Variants in RTN4R observed in about 807,000 individuals in gnomAD.
RTN4R encodes the protein reticulon 4 receptor.
In RTN4R, 4 loss-of-function variants were observed where a neutral mutation model predicts 27.7. The ratio of observed to expected loss-of-function variants is 0.14; its 90% CI spans 0.07 to 0.33. RTN4R has a LOEUF of 0.33. RTN4R is among the 10% of genes least tolerant of loss of function. The pLI, the probability that RTN4R is intolerant of heterozygous loss-of-function variation, is 1.00. For synonymous variants in RTN4R, 290 were observed against 305.6 expected, an observed-to-expected ratio of 0.95 and a Z score of 0.53; for missense variants, 554 against 671.5, an observed-to-expected ratio of 0.83 and a Z score of 1.93.
At chr22:20,253,981 A>C (rs1738575185) in intron 1 of RTN4R, among the ~76,000 whole-genome samples, 1 of 152,144 alleles carries the variant, frequency 6.6e-6, no homozygotes, top group Non-Finnish European at 1.5e-5. Flanking sequence ...CCAGAAGAGA[A>C]AACAAAAAAA....
chr22:20,252,379 G>A (rs1179457361), intron 1 of RTN4R, among the ~76,000 whole-genome samples: 2 of 152,226 alleles, frequency 1.3e-5, no homozygotes, highest in African/African-American at 4.8e-5. Flanking sequence ...AGTAAGAAAT[G>A]AGGGCCCCTC....
chr22:20,257,377 C>T (rs541152425), intron 1 of RTN4R, among the ~76,000 whole-genome samples: 16 of 152,302 alleles, frequency 1.1e-4, no homozygotes, highest in Middle Eastern at 3.4e-3. Flanking sequence ...GAGGTGATTA[C>T]GGTTAGATAA....
At chr22:20,262,266 T>C (rs1192655771) in intron 1 of RTN4R, among the ~76,000 whole-genome samples, 1 of 151,928 alleles carries the variant, frequency 6.6e-6, no homozygotes, top group African/African-American at 2.4e-5. Context: ...TGTGGGGAGC[T>C]GTGTGTGCAG....
At chr22:20,262,968 GC>G (rs1040812357) in intron 1 of RTN4R, among the ~76,000 whole-genome samples, 20 of 152,330 alleles carry the variant, frequency 1.3e-4, no homozygotes, top group African/African-American at 3.8e-4. Flanking sequence ...GAGGTGAGGG[GC>G]CTGGAGCCCA....
At chr22:20,256,091 C>T (rs138567293) in intron 1 of RTN4R, among the ~76,000 whole-genome samples, 133 of 152,330 alleles carry the variant, frequency 8.7e-4, no homozygotes, top group African/African-American at 3.0e-3. Context: ...TCTTGGAAAA[C>T]GAGGTCAGTG....
chr22:20,256,256 CCCT>C (rs1272377468), intron 1 of RTN4R, among the ~76,000 whole-genome samples: 2 of 152,206 alleles, frequency 1.3e-5, no homozygotes, highest in African/African-American at 4.8e-5. Flanking sequence ...ACAGAGGGGT[CCCT>C]CAAGTCCAAG....
chr22:20,257,197 G>A (rs554794628), intron 1 of RTN4R, among the ~76,000 whole-genome samples: 1 of 152,240 alleles, frequency 6.6e-6, no homozygotes, highest in Admixed American at 6.5e-5. Context: ...GGCAACGGAT[G>A]TTCCTGGGTT....
chr22:20,268,238 C>T lies in RTN4R; in HGVS notation c.-146G>A, dbSNP rs1192099209. 3 of 92,606 alleles carry T rather than the reference C, an allele frequency of 3.2e-5. No individual in the cohort carries two copies. Among genetic ancestry groups the T allele is most frequent in the Non-Finnish European group, 4.8e-5 (3 of 62,208 alleles). 5.7% of individuals were successfully genotyped at this position (92,606 alleles called of 1,614,324 possible). A position where few individuals can be genotyped will look rare whatever the true frequency, so the allele number is the denominator to read the frequency against. On this transcript the variant is annotated 5_prime_UTR_variant, in exon 1 of 2. Transcript: ENST00000043402. ...GGACGAGGCTCGGCGCGCTCCGCTC[C>T]GCCCGGCTCTGGCTGGGCTCGGGCC... is the stretch of plus-strand genomic sequence containing the variant.
chr22:20,243,615 C>A, intron 1 of RTN4R: 2 of 433,674 alleles, frequency 4.6e-6, no homozygotes, highest in Non-Finnish European at 9.6e-6. Flanking sequence ...GGGTGGAGGG[C>A]AAGTGTGTCC....
chr22:20,246,005 A>G (rs1378197005), intron 1 of RTN4R, among the ~76,000 whole-genome samples: 1 of 152,158 alleles, frequency 6.6e-6, no homozygotes, highest in African/African-American at 2.4e-5. Flanking sequence ...CAAGCTGCAC[A>G]CAAACTGGTA....
chr22:20,266,002 G>C (rs1021336960), intron 1 of RTN4R, among the ~76,000 whole-genome samples: 1 of 152,236 alleles, frequency 6.6e-6, no homozygotes, highest in Non-Finnish European at 1.5e-5. Flanking sequence ...TCCAGGTCAC[G>C]GTTCTGCCAC....
intron 1 of RTN4R, among the ~76,000 whole-genome samples, chr22:20,252,059 TCATCAC>T (rs1320325633): frequency 7.7e-6 from 1 of 130,034 alleles, no homozygotes. Context: ...ACAATCACTA[TCATCAC>T]CATCACCATC....
intron 1 of RTN4R, among the ~76,000 whole-genome samples, chr22:20,254,390 C>G (rs1468929898): frequency 6.6e-6 from 1 of 151,020 alleles, no homozygotes; most frequent in South Asian, 2.1e-4. Flanking sequence ...GATCATGCCA[C>G]TGCACTCCAG....
chr22:20,256,679 C>A (rs1008256996), intron 1 of RTN4R, among the ~76,000 whole-genome samples: 3 of 152,224 alleles, frequency 2.0e-5, no homozygotes, highest in African/African-American at 7.2e-5. Flanking sequence ...CCAGGCCAGG[C>A]CTGCAGGAAG....
At chr22:20,256,365 C>T (rs2145980982) in intron 1 of RTN4R, among the ~76,000 whole-genome samples, 1 of 152,352 alleles carries the variant, frequency 6.6e-6, no homozygotes, top group African/African-American at 2.4e-5. Flanking sequence ...AAAGACTGGG[C>T]AGCCTGACCT....
chr22:20,267,474 A>C, intron 1 of RTN4R: 2 of 354,042 alleles, frequency 5.6e-6, no homozygotes, highest in Admixed American at 3.7e-5. Context: ...CAAGCCTCTC[A>C]ATGTCCCTCG....
In RTN4R at chr22:20,242,814, G is replaced by A. The variant is rs768758153; in HGVS notation, c.319C>T (p.Leu107=). The A allele has an allele frequency of 1.1e-5, 17 of 1,613,032 alleles. No individual in the cohort carries two copies. The highest frequency in any genetic ancestry group is 5.5e-5 in the South Asian group (5 of 91,086). ...DAAAFTGLAL[L]EQLDLSDNAQ... is the part of the protein sequence containing the mutation. ...TTATCGCTGAGGTCCAGCTGCTCCAGGAGGGCCAGGCCAGTGAAGGCAGCC... is the reference window on the plus strand; with the variant it reads ...TTATCGCTGAGGTCCAGCTGCTCCAAGAGGGCCAGGCCAGTGAAGGCAGCC... The change falls in exon 2 of 2, where the codon CTG becomes TTG. Residue 107 remains leucine (L), a synonymous_variant. Coordinates refer to ENST00000043402, the MANE Select transcript of RTN4R (RefSeq NM_023004.6).
intron 1 of RTN4R, among the ~76,000 whole-genome samples, chr22:20,264,779 G>T (rs1049894794): frequency 5.3e-5 from 8 of 152,206 alleles, no homozygotes; most frequent in African/African-American, 1.9e-4. Flanking sequence ...CAGACCCTGA[G>T]GCCCAGGCCC....
chr22:20,244,842 C>CCA (rs2051130641), intron 1 of RTN4R, among the ~76,000 whole-genome samples: 2 of 152,174 alleles, frequency 1.3e-5, no homozygotes, highest in African/African-American at 2.4e-5. Flanking sequence ...CCACACCACA[C>CCA]CACTGACTGT....
Sources: gnomAD v4.1 joint callset for allele counts (sites outside exome capture counted in the v4.1 genomes callset) on GRCh38, gnomAD v4.1.1 for gene constraint, MANE v1.5 for transcripts, NCBI Gene and HGNC (gene_info 2026-07-23, HGNC 2026-07-21) for gene names.